TNFRSF14: variants seen among roughly 807,000 people sequenced by gnomAD.
The protein encoded by TNFRSF14 is TNF receptor superfamily member 14.
TNFRSF14 carries 18 observed loss-of-function variants against 34.1 expected under a neutral mutation model. The ratio of observed to expected loss-of-function variants is 0.53; its 90% CI spans 0.36 to 0.78. TNFRSF14 has a LOEUF of 0.78. Among genes scored for constraint, TNFRSF14 ranks in the 30% least tolerant of loss-of-function variants. The pLI, the probability that TNFRSF14 is intolerant of heterozygous loss-of-function variation, is 0.00. For synonymous variants in TNFRSF14, 157 were observed against 153.2 expected (o/e 1.02, Z -0.18); for missense variants, 352 against 379.5 (o/e 0.93, Z 0.60).
Position 2,561,514 on chromosome 1 carries a change from C to G in TNFRSF14, c.552-159C>G, listed in dbSNP as rs1644307990. The G allele has an allele frequency of 1.3e-6, 2 of 1,543,998 alleles. No individual in the cohort carries two copies. ...CATAGCCGAGCTTGGAAAAGTCAGACAGACCTCTGAGGTCTCATCCTGGAG... is the reference window on the plus strand; with the variant it reads ...CATAGCCGAGCTTGGAAAAGTCAGAGAGACCTCTGAGGTCTCATCCTGGAG... On this transcript the variant is annotated intron_variant, in intron 5 of 7. Transcript: ENST00000355716. This position sits in a 1 kb window ranked among gnomAD's most constrained non-coding sequence, Gnocchi z 6.0.
chr1:2,557,078 G>A (rs1351096447), intron 1 of TNFRSF14: 3 of 336,730 alleles, frequency 8.9e-6, no homozygotes, highest in Non-Finnish European at 1.6e-5. Context: ...CCTCGAGCAG[G>A]TGACCCAACT....
At chr1:2,559,287 G>A (rs776981098) in intron 3 of TNFRSF14, 1 of 1,366,934 alleles carries the variant, frequency 7.3e-7, no homozygotes, top group Admixed American at 2.2e-5. Context: ...GAAAGCACCT[G>A]TCTACTTGGG....
chr1:2,559,129 G>A (rs1644265441), intron 3 of TNFRSF14: 1 of 1,362,930 alleles, frequency 7.3e-7, no homozygotes. Flanking sequence ...TGGGGGCAGG[G>A]CCTGAGCCTA....
chr1:2,560,786 A>C, intron 5 of TNFRSF14, 72 bp downstream of exon 5: 2 of 1,413,316 alleles, frequency 1.4e-6, no homozygotes, highest in Non-Finnish European at 2.0e-6. Context: ...CTGGGAGATG[A>C]CCGTCTTCTC....
chr1:2,557,053 G>A (rs919999009), intron 1 of TNFRSF14: 23 of 349,488 alleles, frequency 6.6e-5, no homozygotes, highest in South Asian at 3.4e-4. Context: ...GTCTCTGGGC[G>A]TCTCTGGGCG....
chr1:2,558,934 C>A lies in TNFRSF14; in HGVS notation c.304+466C>A, dbSNP rs564060129. 20 of 1,365,198 alleles carry A rather than the reference C, an allele frequency of 1.5e-5. No individual in the cohort carries two copies. The African/African-American group carries it at 2.7e-4, about 19-fold the overall frequency. The allele number at this position is 1,365,198 out of a possible 1,614,324, so 84.6% of individuals were successfully genotyped here. A position where few individuals can be genotyped will look rare whatever the true frequency, so the allele number is the denominator to read the frequency against. On this transcript the variant is annotated intron_variant, in intron 3 of 7. Coordinates refer to ENST00000355716, the MANE Select transcript of TNFRSF14 (RefSeq NM_003820.4). ...AAGAGGTCACCTGGAGGCTGGTGCC[C>A]ACCTGAGTCCAGGCAGACAGAAAGG...
chr1:2,560,533 G>T, intron 4 of TNFRSF14, 91 bp from the exon 5 acceptor site: 1 of 935,610 alleles, frequency 1.1e-6, no homozygotes, highest in Non-Finnish European at 1.6e-6. Flanking sequence ...GAGCACCCAG[G>T]TCTAGAAGCT....
intron 3 of TNFRSF14, chr1:2,559,262 C>T (rs1644267997): frequency 1.5e-6 from 2 of 1,367,966 alleles, no homozygotes; most frequent in Non-Finnish European, 1.9e-6. Context: ...CAGTTCCATG[C>T]CCCTCCCCTC....
At position 2,561,788 on chromosome 1, in the gene TNFRSF14, A is replaced by G. The variant is rs1324295106; in HGVS notation, c.667A>G (p.Ile223Val). 2 of 1,613,826 alleles carry G rather than the reference A, an allele frequency of 1.2e-6. No individual in the cohort carries two copies. The highest frequency in any genetic ancestry group is 1.1e-5 in the South Asian group (1 of 91,090). Residue 223 changes from isoleucine (I) to valine (V), a missense_variant, in exon 6 of 8, where the codon ATA (isoleucine) becomes GTA (valine). Physicochemically the swap from Ile to Val is conservative, Grantham distance 29. Coordinates refer to ENST00000355716, the MANE Select transcript of TNFRSF14 (RefSeq NM_003820.4). This position sits in a 1 kb window ranked among gnomAD's most constrained non-coding sequence, Gnocchi z 6.0. The stretch of plus-strand genomic sequence containing the variant: ...TGTTTGCTCCACAGTTGGCCTAATC[A>G]TATGTGTGAAAAGAAGAAAGCCAAG... Reference protein sequence around the residue: ...VIVCSTVGLIICVKRRKPRGD... With the variant: ...VIVCSTVGLIVCVKRRKPRGD...
intron 3 of TNFRSF14, chr1:2,559,021 G>A (rs550402490): frequency 6.6e-6 from 9 of 1,368,468 alleles, no homozygotes; most frequent in East Asian, 3.4e-5. Flanking sequence ...TGCGGCCAAC[G>A]GCTCTGTCCC....
chr1:2,560,930 T>C, intron 5 of TNFRSF14: 1 of 545,466 alleles, frequency 1.8e-6, no homozygotes, highest in Non-Finnish European at 3.3e-6. Context: ...TCATCAGATC[T>C]GAGCTTCCTG....
At position 2,556,712 on chromosome 1, in the gene TNFRSF14, C is replaced by T; in HGVS notation, c.48C>T (p.Pro16=). The T allele has an allele frequency of 1.2e-6, 2 of 1,607,018 alleles. No individual in the cohort carries two copies. Among genetic ancestry groups the T allele is most frequent in the Middle Eastern group, 1.7e-4 (1 of 6,022 alleles). The part of the protein sequence containing the change: ...DWGPPPWRST[P]KTDVLRLVLY... ...GGCCTCCTCCCTGGAGATCCACCCCCAAAACCGACGTCTTGAGGCTGGTGA... is the reference window on the plus strand; with the variant it reads ...GGCCTCCTCCCTGGAGATCCACCCCTAAAACCGACGTCTTGAGGCTGGTGA... The change falls in exon 1 of 8, where the codon CCC becomes CCT. Residue 16 remains proline, a synonymous_variant. Coordinates refer to ENST00000355716, the MANE Select transcript of TNFRSF14 (RefSeq NM_003820.4).
intron 2 of TNFRSF14, 74 bp downstream of exon 2, chr1:2,557,908 C>A: frequency 2.4e-6 from 3 of 1,248,616 alleles, no homozygotes; most frequent in Middle Eastern, 2.7e-4. Flanking sequence ...GCCCCAGACA[C>A]CCCTGTGTTC....
chr1:2,559,650 C>A, intron 3 of TNFRSF14, 173 bp from the exon 4 acceptor site: 1 of 1,535,072 alleles, frequency 6.5e-7, no homozygotes, highest in Non-Finnish European at 8.7e-7. Context: ...GGTGTCCCTC[C>A]CGGCCTCAGG....
In TNFRSF14 at chr1:2,556,574, C is replaced by A. The variant is rs1360922233; in HGVS notation, c.-91C>A. On this transcript the variant is annotated 5_prime_UTR_variant, in exon 1 of 8. In the 5' UTR this introduces an upstream ATG that the reference lacks. Coordinates refer to ENST00000355716, the MANE Select transcript of TNFRSF14 (RefSeq NM_003820.4). ...TTCTCTTTCTCTTTCTCTTTCTCTT[C>A]TGGCCCACAGCCGCAGCAATGGCGC... 1 of 1,263,476 alleles carries A rather than the reference C, an allele frequency of 7.9e-7. No homozygotes were observed. The highest frequency in any genetic ancestry group is 1.1e-6 in the Non-Finnish European group (1 of 882,406). The allele number at this position is 1,263,476 out of a possible 1,614,324, so 78.3% of individuals were successfully genotyped here. A position where few individuals can be genotyped will look rare whatever the true frequency, so the allele number is the denominator to read the frequency against.
rs199767927 is a variant in TNFRSF14 at position 2,563,201 on chromosome 1, C to T, written c.780C>T (p.Ala260=). ...CCACAGTCATTGAGGCCCTGCAGGC[C>T]CCTCCGGACGTCACCACGGTGGCCG... ...GEATVIEALQ[A]PPDVTTVAVE... is the part of the protein sequence containing the mutation. The change falls in exon 8 of 8, where the codon GCC becomes GCT. Residue 260 remains alanine, a synonymous_variant. Coordinates refer to ENST00000355716, the MANE Select transcript of TNFRSF14 (RefSeq NM_003820.4). 35 of 1,613,370 alleles carry T rather than the reference C, an allele frequency of 2.2e-5. No homozygotes were observed. The highest frequency in any genetic ancestry group is 1.3e-4 in the Admixed American group (8 of 60,004).
At chr1:2,559,313 C>G in intron 3 of TNFRSF14, 1 of 1,367,640 alleles carries the variant, frequency 7.3e-7, no homozygotes, top group Non-Finnish European at 9.6e-7. Context: ...GATGTGGGGG[C>G]ACAGGTGGCA....
At position 2,561,637 on chromosome 1, in the gene TNFRSF14, C is replaced by T; in HGVS notation, c.552-36C>T. 6 of 1,611,492 alleles carry T rather than the reference C, an allele frequency of 3.7e-6. No homozygotes were observed. The highest frequency in any genetic ancestry group is 5.1e-6 in the Non-Finnish European group (6 of 1,179,196). ...GGCTGAGTGAACACTGGGCGCTGCA[C>T]CTGCCTCTCCCACGTCCTCGGCCCC... On this transcript the variant is annotated intron_variant, in intron 5 of 7. Coordinates refer to ENST00000355716, the MANE Select transcript of TNFRSF14 (RefSeq NM_003820.4). The surrounding 1 kb of genome is among the most constrained non-coding windows in gnomAD (Gnocchi z 6.0).
At chr1:2,560,084 T>TG in intron 4 of TNFRSF14, 106 bp downstream of exon 4, 1 of 1,422,280 alleles carries the variant, frequency 7.0e-7, no homozygotes, top group East Asian at 2.5e-5. Context: ...CCAGGGGCCC[T>TG]GGTGAGACAG....
Sources: gnomAD v4.1 joint callset for allele counts on GRCh38, gnomAD v4.1.1 for gene constraint, Gnocchi (gnomAD v3.1) non-coding constraint, MANE v1.5 for transcripts, NCBI Gene and HGNC (gene_info 2026-07-23, HGNC 2026-07-21) for gene names.